The following DNAI4 variants were observed in gnomAD, a reference collection of about 807,000 sequenced individuals.
The protein encoded by DNAI4 is WD repeat domain 78.
In DNAI4, 85 loss-of-function variants were observed where a neutral mutation model predicts 105.8. That is an observed-to-expected ratio of 0.80 (90% CI 0.67 to 0.96). The LOEUF is 0.96. DNAI4 is among the 40% of genes least tolerant of loss of function. The pLI is 0.00. For missense variants in DNAI4, 1,014 were observed against 1,005.6 expected, an observed-to-expected ratio of 1.01 and a Z score of -0.11; for synonymous variants, 352 against 331.5, an observed-to-expected ratio of 1.06 and a Z score of -0.67.
At chr1:66,856,994 A>G (rs962477671) in intron 7 of DNAI4, among the ~76,000 whole-genome samples, 4 of 152,094 alleles carry the variant, frequency 2.6e-5, no homozygotes, top group African/African-American at 9.7e-5. Context: ...CAATGACATC[A>G]AAAACAAAAC....
At chr1:66,844,774 T>G (rs978555350) in intron 8 of DNAI4, among the ~76,000 whole-genome samples, 5 of 152,116 alleles carry the variant, frequency 3.3e-5, no homozygotes, top group Non-Finnish European at 7.4e-5. Context: ...AAACTTCTGT[T>G]CATCAAAAAA....
Position 66,862,126 on chromosome 1 carries a change from C to T in DNAI4, c.1096+21G>A, listed in dbSNP as rs373813782. ...GCCATGTTAAAGTCATTCAAAAAAA[C>T]TAAAATAAATGAAATCTTACTTTTT... is the stretch of plus-strand genomic sequence containing the variant. On this transcript the variant is annotated intron_variant, in intron 7 of 16. Coordinates refer to ENST00000371026, the MANE Select transcript of DNAI4 (RefSeq NM_024763.5). 1.1e-4 allele frequency: 173 copies of T among 1,551,518 alleles called. 1 individual carries two copies. The highest frequency in any genetic ancestry group is 1.3e-4 in the Non-Finnish European group (154 of 1,156,524).
At chr1:66,872,018 T>A (rs936821616) in intron 5 of DNAI4, among the ~76,000 whole-genome samples, 8 of 152,106 alleles carry the variant, frequency 5.3e-5, no homozygotes, top group Non-Finnish European at 1.0e-4. Flanking sequence ...TGAAAGAGAA[T>A]GTGTTCTCTA....
chr1:66,830,350 G>A (rs2100393651), intron 13 of DNAI4, among the ~76,000 whole-genome samples: 1 of 152,156 alleles, frequency 6.6e-6, no homozygotes, highest in Non-Finnish European at 1.5e-5. Flanking sequence ...ACTAATATTA[G>A]GAATCACAGA....
intron 7 of DNAI4, among the ~76,000 whole-genome samples, chr1:66,851,967 A>T (rs951047067): frequency 2.0e-5 from 3 of 151,996 alleles, no homozygotes; most frequent in African/African-American, 4.8e-5. Context: ...TGATATAAAG[A>T]ATTTCTTCCT....
intron 5 of DNAI4, among the ~76,000 whole-genome samples, chr1:66,874,508 T>C (rs72671680): frequency 0.13 from 20,279 of 152,112 alleles, 1,436 homozygotes; most frequent in Middle Eastern, 0.21. Flanking sequence ...ATTCTGTTAT[T>C]TGGCTTAGAA....
intron 4 of DNAI4, among the ~76,000 whole-genome samples, chr1:66,879,220 G>A (rs1647017574): frequency 6.6e-6 from 1 of 152,096 alleles, no homozygotes; most frequent in South Asian, 2.1e-4. Context: ...ACCGACCATT[G>A]ATTTGTTTTC....
intron 14 of DNAI4, among the ~76,000 whole-genome samples, chr1:66,827,494 A>G (rs145661674): frequency 4.6e-5 from 7 of 152,186 alleles, no homozygotes; most frequent in African/African-American, 9.6e-5. Context: ...TCTCTTAAAA[A>G]AAACATTAAA....
intron 1 of DNAI4, among the ~76,000 whole-genome samples, chr1:66,908,939 T>C (rs1649454962): frequency 6.6e-6 from 1 of 152,258 alleles, no homozygotes; most frequent in Non-Finnish European, 1.5e-5. Flanking sequence ...GTCACATCTA[T>C]GCACTTGCCT....
At chr1:66,815,341 G>A (rs1373712067) in intron 16 of DNAI4, among the ~76,000 whole-genome samples, 1 of 152,090 alleles carries the variant, frequency 6.6e-6, no homozygotes, top group Non-Finnish European at 1.5e-5. Context: ...GTTCAATGTT[G>A]TATCCTGAGA....
intron 1 of DNAI4, among the ~76,000 whole-genome samples, chr1:66,912,229 C>A (rs1029230970): frequency 2.0e-5 from 3 of 151,996 alleles, no homozygotes; most frequent in African/African-American, 4.8e-5. Flanking sequence ...CACATGTAAA[C>A]CCAGCACTTT....
At chr1:66,832,030 G>C (rs1645876621) in intron 13 of DNAI4, among the ~76,000 whole-genome samples, 1 of 152,100 alleles carries the variant, frequency 6.6e-6, no homozygotes, top group Non-Finnish European at 1.5e-5. Context: ...CATCTTCCCA[G>C]AGATACTGGT....
intron 1 of DNAI4, among the ~76,000 whole-genome samples, chr1:66,905,976 T>TGCAGTGG (rs1649217524): frequency 7.6e-6 from 1 of 132,138 alleles, no homozygotes; most frequent in Non-Finnish European, 1.5e-5. Flanking sequence ...CTGGCTGGAG[T>TGCAGTGG]GCAGTGGCGT....
chr1:66,890,772 A>T lies in DNAI4; in HGVS notation c.643+382T>A, dbSNP rs1464147074. ...GAAGAGGAGGAGGAGGAAGAGGAAG[A>T]AGAGGAAGAGGAGGAAGAAGAAGTG... On this transcript the variant is annotated intron_variant, in intron 4 of 16. Transcript: ENST00000371026. The surrounding 1 kb of genome is among the most constrained non-coding windows in gnomAD (Gnocchi z 4.1). The T allele has an allele frequency of 1.9e-5, 5 of 269,294 alleles. No individual in the cohort carries two copies. Among genetic ancestry groups the T allele is most frequent in the Admixed American group, 5.2e-5 (1 of 19,048 alleles). The allele number at this position is 269,294 out of a possible 1,614,324, so 16.7% of individuals were successfully genotyped here.
Position 66,836,300 on chromosome 1 carries a change from GA to G in DNAI4, c.1582-524del, listed in dbSNP as rs1557909026. Reference sequence around the variant, plus strand: ...AGAAAGAAAGAAAGAAAGAAAGAAAGAAAGAAAGAAAGAAAGAAAGAAAGAA... The same window carrying G: ...AGAAAGAAAGAAAGAAAGAAAGAAAGAAGAAAGAAAGAAAGAAAGAAAGAA... On this transcript the variant is annotated intron_variant, in intron 10 of 16. Transcript: ENST00000371026. 5.9e-4 allele frequency among the ~76,000 whole-genome samples: 88 copies of G among 150,266 alleles called. 2 individuals are homozygous for G. The highest frequency in any genetic ancestry group is 3.4e-3 in the Middle Eastern group (1 of 292).
Position 66,837,382 on chromosome 1 carries a change from A to G in DNAI4, c.1581+328T>C, listed in dbSNP as rs1018306960. Among the ~76,000 whole-genome samples, 62 of 151,752 alleles carry G rather than the reference A, an allele frequency of 4.1e-4. 2 individuals are homozygous for G. Among genetic ancestry groups the G allele is most frequent in the African/African-American group, 1.3e-3 (53 of 41,392 alleles). The stretch of plus-strand genomic sequence containing the variant: ...TCTGTCTCAAAAAAAAAAAAAAAAA[A>G]AACATAATTTTCAAAGGATTTTCAT... On this transcript the variant is annotated intron_variant, in intron 10 of 16. Coordinates refer to ENST00000371026, the MANE Select transcript of DNAI4 (RefSeq NM_024763.5).
intron 6 of DNAI4, among the ~76,000 whole-genome samples, chr1:66,862,846 A>T (rs1485586354): frequency 2.6e-5 from 4 of 152,212 alleles, no homozygotes; most frequent in African/African-American, 9.6e-5. Context: ...TGCCTTGGTG[A>T]TATGCATCTG....
intron 2 of DNAI4, 190 bp downstream of exon 2, chr1:66,905,011 C>T (rs1414029936): frequency 2.3e-6 from 1 of 436,132 alleles, no homozygotes; most frequent in East Asian, 3.4e-5. Context: ...TTCTTCTTAT[C>T]AATAACTAGT....
intron 2 of DNAI4, among the ~76,000 whole-genome samples, chr1:66,903,181 G>A (rs1000771362): frequency 3.0e-4 from 46 of 152,300 alleles, no homozygotes; most frequent in African/African-American, 1.1e-3. Flanking sequence ...AACAAGAAAT[G>A]TCTTTCTGTT....
Sources: allele counts gnomAD v4.1 joint callset (sites outside exome capture counted in the v4.1 genomes callset), GRCh38; gene constraint gnomAD v4.1.1; non-coding constraint Gnocchi (gnomAD v3.1); transcripts MANE v1.5; gene names NCBI Gene and HGNC (gene_info 2026-07-23, HGNC 2026-07-21).